FGF14: variants seen among roughly 807,000 people sequenced by gnomAD.
FGF14 encodes the protein fibroblast growth factor homologous factor 4.
A neutral mutation model predicts 25.5 loss-of-function variants in FGF14; 5 were observed. The ratio of observed to expected loss-of-function variants is 0.20; its 90% CI spans 0.10 to 0.41. The LOEUF (loss-of-function observed/expected upper bound fraction) is 0.41. Among genes scored for constraint, FGF14 ranks in the 10% least tolerant of loss-of-function variants. The pLI is 1.00. For missense variants in FGF14, 222 were observed against 320.1 expected (o/e 0.69, Z 2.34); for synonymous variants, 138 against 118.3 (o/e 1.17, Z -1.08).
intron 3 of FGF14, among the ~76,000 whole-genome samples, chr13:101,843,910 T>G (rs543553875): frequency 6.6e-6 from 1 of 152,178 alleles, no homozygotes; most frequent in Admixed American, 6.5e-5. Flanking sequence ...TACTGTTAGT[T>G]ATCTATATCT....
At chr13:102,203,151 C>T (rs1247768097) in intron 1 of FGF14, among the ~76,000 whole-genome samples, 3 of 152,116 alleles carry the variant, frequency 2.0e-5, no homozygotes, top group African/African-American at 7.2e-5. Context: ...CATGTGTTTT[C>T]CTTTGTTTTG....
chr13:101,876,013 TTAACTTGTA>T (rs1274066281), intron 1 of FGF14, among the ~76,000 whole-genome samples: 3 of 152,152 alleles, frequency 2.0e-5, no homozygotes, highest in African/African-American at 4.8e-5. Flanking sequence ...GCTAAACTCA[TTAACTTGTA>T]TAACTAAAAA....
chr13:102,001,448 A>G (rs1319387880), intron 1 of FGF14, among the ~76,000 whole-genome samples: 1 of 152,144 alleles, frequency 6.6e-6, no homozygotes. Context: ...GGGTGCCCAG[A>G]AAATATAATA....
rs1470146101 is a variant in FGF14 at position 101,719,839 on chromosome 13, A to ACTT, written c.*2989_*2991dup. 5.3e-5 allele frequency: 8 copies of ACTT among 151,592 alleles called. No homozygotes were observed. The highest frequency in any genetic ancestry group is 1.2e-4 in the Non-Finnish European group (8 of 67,868). The allele number at this position is 151,592 out of a possible 1,614,324, so 9.4% of individuals were successfully genotyped here. ...TCAGTAGTGACAGATTGCACTTCTT[A>ACTT]CTTAATAACAGCAAACTTAATTTCT... On this transcript the variant is annotated 3_prime_UTR_variant, in exon 5 of 5. Coordinates refer to ENST00000376143, the MANE Select transcript of FGF14 (RefSeq NM_004115.4).
chr13:102,110,535 C>T (rs1375110118), intron 1 of FGF14, among the ~76,000 whole-genome samples: 3 of 152,112 alleles, frequency 2.0e-5, no homozygotes, highest in Non-Finnish European at 2.9e-5. Context: ...GGCTGCTTTG[C>T]GGCTGGGATC....
chr13:102,255,189 A>T (rs772627170), intron 1 of FGF14, among the ~76,000 whole-genome samples: 6 of 151,998 alleles, frequency 3.9e-5, no homozygotes, highest in Non-Finnish European at 8.8e-5. Flanking sequence ...ATATTCTATT[A>T]CTCCTTTGGC....
At chr13:102,050,626 A>C (rs1399309221) in intron 1 of FGF14, among the ~76,000 whole-genome samples, 1 of 152,226 alleles carries the variant, frequency 6.6e-6, no homozygotes, top group East Asian at 1.9e-4. Context: ...CCAAGATGTC[A>C]CCAAGATGAT....
intron 3 of FGF14, among the ~76,000 whole-genome samples, chr13:101,827,946 A>T (rs1029289366): frequency 3.1e-5 from 4 of 129,924 alleles, no homozygotes; most frequent in Non-Finnish European, 5.3e-5. Context: ...AAAAGAAAGA[A>T]AAAAGTGTGG....
At chr13:102,280,131 C>T (rs1258009449) in intron 1 of FGF14, among the ~76,000 whole-genome samples, 1 of 152,116 alleles carries the variant, frequency 6.6e-6, no homozygotes, top group Non-Finnish European at 1.5e-5. Context: ...TTTTTTCACT[C>T]AGTTCAAATA....
intron 3 of FGF14, among the ~76,000 whole-genome samples, chr13:101,858,440 T>C (rs1374123731): frequency 6.6e-6 from 1 of 152,050 alleles, no homozygotes; most frequent in Non-Finnish European, 1.5e-5. Context: ...ATTTACGTAA[T>C]TTGTTGCCAT....
intron 1 of FGF14, among the ~76,000 whole-genome samples, chr13:102,296,272 T>C (rs1377115490): frequency 6.6e-6 from 1 of 152,178 alleles, no homozygotes; most frequent in Non-Finnish European, 1.5e-5. Context: ...TGACATAGTG[T>C]AGGAGTCTGG....
At chr13:102,178,807 A>ATG (rs1415195084) in intron 1 of FGF14, among the ~76,000 whole-genome samples, 2 of 152,146 alleles carry the variant, frequency 1.3e-5, no homozygotes, top group African/African-American at 2.4e-5. Context: ...AGATATATAT[A>ATG]TGTGTGTGTG....
rs3064706 is a variant in FGF14 at position 101,790,409 on chromosome 13, C to CTTT, written c.409-63602_409-63600dup. Reference sequence around the variant, plus strand: ...TTTACTAGCTGGCTCTATTCATTTTCTTTTTTTTTTTTTTTTAACTTTTGT... The same window carrying CTTT: ...TTTACTAGCTGGCTCTATTCATTTTCTTTTTTTTTTTTTTTTTTTAACTTTTGT... On this transcript the variant is annotated intron_variant, in intron 3 of 4. Transcript: ENST00000376143. 2.8e-3 allele frequency among the ~76,000 whole-genome samples: 394 copies of CTTT among 143,186 alleles called. 5 individuals carry two copies. The highest frequency in any genetic ancestry group is 9.6e-3 in the African/African-American group (366 of 37,968). The allele number at this position is 143,186 out of a possible 152,430, so 93.9% of individuals were successfully genotyped here. A position where few individuals can be genotyped will look rare whatever the true frequency, so the allele number is the denominator to read the frequency against.
chr13:102,022,073 T>G (rs894116937), intron 1 of FGF14, among the ~76,000 whole-genome samples: 6 of 152,052 alleles, frequency 3.9e-5, no homozygotes, highest in Non-Finnish European at 5.9e-5. Flanking sequence ...TAATTCTACC[T>G]TACTTCATGG....
intron 1 of FGF14, among the ~76,000 whole-genome samples, chr13:101,956,559 T>C (rs555299179): frequency 6.6e-6 from 1 of 152,256 alleles, no homozygotes; most frequent in Admixed American, 6.5e-5. Flanking sequence ...GTTCTGAGCC[T>C]CGGTTCTCAA....
intron 1 of FGF14, among the ~76,000 whole-genome samples, chr13:102,041,596 A>AAT: frequency 7.1e-6 from 1 of 140,338 alleles, no homozygotes; most frequent in Non-Finnish European, 1.5e-5. Context: ...AAAAAAAAAA[A>AAT]GAGAGATTTT....
chr13:102,229,403 G>T (rs1296151879), intron 1 of FGF14, among the ~76,000 whole-genome samples: 1 of 152,222 alleles, frequency 6.6e-6, no homozygotes, highest in African/African-American at 2.4e-5. Flanking sequence ...CCGTTTCACA[G>T]ATGATGTGTG....
chr13:102,356,719 A>T (rs2057426776), intron 1 of FGF14, among the ~76,000 whole-genome samples: 1 of 152,150 alleles, frequency 6.6e-6, no homozygotes, highest in Admixed American at 6.5e-5. Flanking sequence ...ATAGCAGGGC[A>T]TTGGTTACAT....
At chr13:101,802,207 A>G in intron 3 of FGF14, 1 of 254,042 alleles carries the variant, frequency 3.9e-6, no homozygotes, top group Non-Finnish European at 7.9e-6. Flanking sequence ...AAATCTGCAA[A>G]TCCTGGCATC....
Sources: allele counts gnomAD v4.1 joint callset (sites outside exome capture counted in the v4.1 genomes callset), GRCh38; gene constraint gnomAD v4.1.1; transcripts MANE v1.5; gene names NCBI Gene and HGNC (gene_info 2026-07-23, HGNC 2026-07-21).